CARMIL3: variants seen among roughly 807,000 people sequenced by gnomAD.
The protein encoded by CARMIL3 is capping protein, Arp2/3 and myosin-I linker protein 3.
A neutral mutation model predicts 180.8 loss-of-function variants in CARMIL3; 88 were observed. The observed-to-expected ratio is 0.49, with a 90% CI of 0.41 to 0.58. The LOEUF is 0.58. Among genes scored for constraint, CARMIL3 ranks in the 20% least tolerant of loss-of-function variants. The pLI is 0.00. For synonymous variants in CARMIL3, 696 were observed against 714.5 expected (o/e 0.97, Z 0.41); for missense variants, 1,548 against 1,787.0 (o/e 0.87, Z 2.41).
Position 24,065,623 on chromosome 14 carries a change from G to T in CARMIL3, c.3398G>T (p.Gly1133Val). ...AATAAATAAGAGACCTTGTTCTAGG[G>T]CACTGAGGGGTCAGAGCCAGGGGAG... ...GRGPSFRRKM[G>V]TEGSEPGEGG... Residue 1133 changes from glycine to valine, a missense_variant and splice_region_variant, in exon 34 of 40, where the codon GGC becomes GTC. Gly to Val is a moderately radical substitution (Grantham distance 109, BLOSUM62 -3). Around this residue, in one of 4 missense-constraint regions of CARMIL3, gnomAD observed 668 missense variants for 687.8 expected, o/e 0.97. Coordinates refer to ENST00000342740, the MANE Select transcript of CARMIL3 (RefSeq NM_138360.4). The T allele has an allele frequency of 6.2e-7, 1 of 1,610,608 alleles. No homozygotes were observed.
chr14:24,066,442 A>T lies in CARMIL3; in HGVS notation c.3570A>T (p.Lys1190Asn). 1 of 1,614,220 alleles carries T rather than the reference A, an allele frequency of 6.2e-7. No homozygotes were observed. The highest frequency in any genetic ancestry group is 8.5e-7 in the Non-Finnish European group (1 of 1,180,038). ...AGGGCAGCACCCAGGCCTGGCAGAA[A>T]CGGCGCTCTTCAGACGACGCAGGTA... ...DQEGSTQAWQ[K>N]RRSSDDAGPG... The change falls in exon 35 of 40, where the codon AAA becomes AAT. Residue 1190 changes from lysine to asparagine, a missense_variant. By Grantham distance (94) the Lys-to-Asn change is moderately conservative. Transcript: ENST00000342740.
intron 34 of CARMIL3, 66 bp downstream of exon 34, chr14:24,065,816 C>T (rs1320680901): frequency 6.3e-7 from 1 of 1,576,112 alleles, no homozygotes; most frequent in Non-Finnish European, 8.6e-7. Context: ...CTCTCCTTCC[C>T]ACTCCCTCAT....
chr14:24,066,564 C>T lies in CARMIL3; in HGVS notation c.3593-3C>T, dbSNP rs1327992465. 1.2e-6 allele frequency: 2 copies of T among 1,614,028 alleles called. No homozygotes were observed. The highest frequency in any genetic ancestry group is 4.5e-5 in the East Asian group (2 of 44,894). ...TCTTTCTCATCCCCTCTCTCTACTC[C>T]AGGGCCTGGATCCTGGAAGCCCCCA... is the stretch of plus-strand genomic sequence containing the variant. On this transcript the variant is annotated splice_region_variant and splice_polypyrimidine_tract_variant and intron_variant, in intron 35 of 39. Transcript: ENST00000342740.
chr14:24,066,277 T>G, intron 34 of CARMIL3, 121 bp from the exon 35 acceptor site: 1 of 1,208,136 alleles, frequency 8.3e-7, no homozygotes, highest in Non-Finnish European at 1.2e-6. Flanking sequence ...GGAAACAGTT[T>G]TAAGTGTCTA....
intron 6 of CARMIL3, 37 bp from the exon 7 acceptor site, chr14:24,055,029 T>C: frequency 6.2e-7 from 1 of 1,607,626 alleles, no homozygotes; most frequent in Non-Finnish European, 8.5e-7. Flanking sequence ...CCCCATCTCC[T>C]TACCCTCATG....
Position 24,054,206 on chromosome 14 carries a change from TC to T in CARMIL3, c.187-34del. 6.2e-7 allele frequency: 1 copy of T among 1,614,074 alleles called. No homozygotes were observed. Among genetic ancestry groups the T allele is most frequent in the Non-Finnish European group, 8.5e-7 (1 of 1,179,948 alleles). On this transcript the variant is annotated intron_variant, in intron 3 of 39. Coordinates refer to ENST00000342740, the MANE Select transcript of CARMIL3 (RefSeq NM_138360.4). This position sits in a 1 kb window ranked among gnomAD's most constrained non-coding sequence, Gnocchi z 5.1. Reference sequence around the variant, plus strand: ...TACCTCCCAAGCCTGGCAACCCAGGTCCTTACCAGGAGCTGAGCATCTCCAT... The same window carrying T: ...TACCTCCCAAGCCTGGCAACCCAGGTCTTACCAGGAGCTGAGCATCTCCAT...
chr14:24,059,236 G>C lies in CARMIL3; in HGVS notation c.1627-34G>C. 6.2e-7 allele frequency: 1 copy of C among 1,613,770 alleles called. No homozygotes were observed. Among genetic ancestry groups the C allele is most frequent in the Non-Finnish European group, 8.5e-7 (1 of 1,179,944 alleles). On this transcript the variant is annotated intron_variant, in intron 20 of 39. Transcript: ENST00000342740. The surrounding 1 kb of genome is among the most constrained non-coding windows in gnomAD (Gnocchi z 6.3). ...GGGACCTGCAGTCGGAGGAGGCTGT[G>C]GGGACTGGGTCCAACCGCCCCTTGC...
Position 24,054,527 on chromosome 14 carries a change from G to T in CARMIL3, c.362+16G>T. On this transcript the variant is annotated intron_variant, in intron 5 of 39. Coordinates refer to ENST00000342740, the MANE Select transcript of CARMIL3 (RefSeq NM_138360.4). This position sits in a 1 kb window ranked among gnomAD's most constrained non-coding sequence, Gnocchi z 5.1. ...CTGGCCCTGGGTGAGTGGCAAATAA[G>T]GGGTCTCTTAAGGCATTAGATGAGA... is the stretch of plus-strand genomic sequence containing the variant. 1 of 1,442,010 alleles carries T rather than the reference G, an allele frequency of 6.9e-7. No homozygotes were observed. The highest frequency in any genetic ancestry group is 3.7e-5 in the African/African-American group (1 of 26,700). The allele number at this position is 1,442,010 out of a possible 1,614,324, so 89.3% of individuals were successfully genotyped here. A position where few individuals can be genotyped will look rare whatever the true frequency, so the allele number is the denominator to read the frequency against.
chr14:24,057,161 C>T lies in CARMIL3; in HGVS notation c.1063-6C>T. On this transcript the variant is annotated splice_polypyrimidine_tract_variant and splice_region_variant and intron_variant, in intron 13 of 39. Coordinates refer to ENST00000342740, the MANE Select transcript of CARMIL3 (RefSeq NM_138360.4). The stretch of plus-strand genomic sequence containing the variant: ...CCCCTGCAACCCCTCTTCCTTCCTA[C>T]TCCAGGCCCTCTACAGTTTCCTGGC... The T allele has an allele frequency of 6.2e-7, 1 of 1,613,764 alleles. No homozygotes were observed. Among genetic ancestry groups the T allele is most frequent in the Non-Finnish European group, 8.5e-7 (1 of 1,179,822 alleles).
chr14:24,059,252 C>T lies in CARMIL3; in HGVS notation c.1627-18C>T, dbSNP rs774261819. 3.1e-5 allele frequency: 50 copies of T among 1,613,688 alleles called. No individual in the cohort carries two copies. Among genetic ancestry groups the T allele is most frequent in the South Asian group, 1.6e-4 (15 of 91,068 alleles). On this transcript the variant is annotated intron_variant, in intron 20 of 39. Coordinates refer to ENST00000342740, the MANE Select transcript of CARMIL3 (RefSeq NM_138360.4). The surrounding 1 kb of genome is among the most constrained non-coding windows in gnomAD (Gnocchi z 6.3). ...GGAGGCTGTGGGGACTGGGTCCAACCGCCCCTTGCCCACACAGTCCCTGCA... is the reference window on the plus strand; with the variant it reads ...GGAGGCTGTGGGGACTGGGTCCAACTGCCCCTTGCCCACACAGTCCCTGCA...
chr14:24,060,856 T>C, intron 25 of CARMIL3, 71 bp from the exon 26 acceptor site: 1 of 1,543,236 alleles, frequency 6.5e-7, no homozygotes, highest in Admixed American at 1.9e-5. Context: ...TCTGCCTTCC[T>C]AGCCCAGGGA....
At position 24,061,754 on chromosome 14, in the gene CARMIL3, A is replaced by G. The variant is rs1594551817; in HGVS notation, c.2480+82A>G. The G allele has an allele frequency of 1.5e-6, 2 of 1,348,710 alleles. No homozygotes were observed. The highest frequency in any genetic ancestry group is 4.7e-5 in the East Asian group (2 of 42,578). 83.5% of individuals were successfully genotyped at this position (1,348,710 alleles called of 1,614,324 possible). A position where few individuals can be genotyped will look rare whatever the true frequency, so the allele number is the denominator to read the frequency against. On this transcript the variant is annotated intron_variant, in intron 27 of 39. Coordinates refer to ENST00000342740, the MANE Select transcript of CARMIL3 (RefSeq NM_138360.4). The surrounding 1 kb of genome is among the most constrained non-coding windows in gnomAD (Gnocchi z 4.1). The stretch of plus-strand genomic sequence containing the variant: ...GACTTAGGACTGGAGAGCTATCAGC[A>G]ATGAATAATGAATGGCACAATCTCC...
Position 24,069,511 on chromosome 14 carries a change from G to A in CARMIL3, c.*107G>A. 1 of 1,453,538 alleles carries A rather than the reference G, an allele frequency of 6.9e-7. No individual in the cohort carries two copies. The highest frequency in any genetic ancestry group is 9.5e-7 in the Non-Finnish European group (1 of 1,055,662). The allele number at this position is 1,453,538 out of a possible 1,614,324, so 90.0% of individuals were successfully genotyped here. A position where few individuals can be genotyped will look rare whatever the true frequency, so the allele number is the denominator to read the frequency against. On this transcript the variant is annotated 3_prime_UTR_variant, in exon 40 of 40. Transcript: ENST00000342740. ...CCCCTGCCAGCCCCTGTCCTACAGG[G>A]GCAAGACGGCAGGACCAGGCATGGG...
chr14:24,063,897 C>T (rs1028876760), intron 31 of CARMIL3, among the ~76,000 whole-genome samples: 4 of 88,686 alleles, frequency 4.5e-5, no homozygotes, highest in Non-Finnish European at 7.7e-5. Context: ...AGATCGAGAT[C>T]ATCCTGGCCA....
rs909664080 is a variant in CARMIL3 at position 24,059,048 on chromosome 14, A to T, written c.1571+62A>T. On this transcript the variant is annotated intron_variant, in intron 19 of 39. Coordinates refer to ENST00000342740, the MANE Select transcript of CARMIL3 (RefSeq NM_138360.4). The surrounding 1 kb of genome is among the most constrained non-coding windows in gnomAD (Gnocchi z 6.3). ...CATCATTCACCCATCCTCTTGGCTC[A>T]CCGTATTACCTCTGGCCACCTCTCT... 9.8e-5 allele frequency: 156 copies of T among 1,599,624 alleles called. 1 individual carries two copies. Among genetic ancestry groups the T allele is most frequent in the Non-Finnish European group, 1.2e-4 (144 of 1,172,492 alleles).
intron 30 of CARMIL3, 36 bp from the exon 31 acceptor site, chr14:24,063,289 C>T (rs762810375): frequency 1.3e-6 from 2 of 1,590,730 alleles, no homozygotes; most frequent in East Asian, 2.3e-5. Flanking sequence ...TCTCCCCATT[C>T]CTCTGCTAGT....
intron 35 of CARMIL3, 35 bp downstream of exon 35, chr14:24,066,499 C>T (rs1046820872): frequency 1.1e-5 from 18 of 1,613,630 alleles, no homozygotes; most frequent in Non-Finnish European, 1.4e-5. Context: ...CTTTTGGACC[C>T]CTCTCTCAGG....
chr14:24,061,440 G>T lies in CARMIL3; in HGVS notation c.2305-57G>T, dbSNP rs572126667. 903 of 1,548,620 alleles carry T rather than the reference G, an allele frequency of 5.8e-4. 1 individual carries two copies. The highest frequency in any genetic ancestry group is 7.6e-4 in the Non-Finnish European group (870 of 1,138,274). ...AATAGATAAAGTCTCTTCTGCTGTGGTGCCAGCCCTGATCCTGTCCCCCTT... is the reference window on the plus strand; with the variant it reads ...AATAGATAAAGTCTCTTCTGCTGTGTTGCCAGCCCTGATCCTGTCCCCCTT... On this transcript the variant is annotated intron_variant, in intron 26 of 39. Coordinates refer to ENST00000342740, the MANE Select transcript of CARMIL3 (RefSeq NM_138360.4). The surrounding 1 kb of genome is among the most constrained non-coding windows in gnomAD (Gnocchi z 4.1).
chr14:24,054,895 C>A lies in CARMIL3; in HGVS notation c.460+87C>A, dbSNP rs145750255. On this transcript the variant is annotated intron_variant, in intron 6 of 39. Coordinates refer to ENST00000342740, the MANE Select transcript of CARMIL3 (RefSeq NM_138360.4). The surrounding 1 kb of genome is among the most constrained non-coding windows in gnomAD (Gnocchi z 5.1). Reference sequence around the variant, plus strand: ...CTTTGTGCACAGGGTGTTGCCTGGGCGGGCGGGCTTTGCCTGCCTGAAGGA... The same window carrying A: ...CTTTGTGCACAGGGTGTTGCCTGGGAGGGCGGGCTTTGCCTGCCTGAAGGA... 2.7e-6 allele frequency: 4 copies of A among 1,463,352 alleles called. No individual in the cohort carries two copies. The highest frequency in any genetic ancestry group is 3.8e-6 in the Non-Finnish European group (4 of 1,060,350). 90.6% of individuals were successfully genotyped at this position (1,463,352 alleles called of 1,614,324 possible).
Sources: gnomAD v4.1 joint callset for allele counts (sites outside exome capture counted in the v4.1 genomes callset) on GRCh38, gnomAD v4.1.1 for gene constraint, gnomAD v4.1.1 regional missense constraint, Gnocchi (gnomAD v3.1) non-coding constraint, MANE v1.5 for transcripts, NCBI Gene and HGNC (gene_info 2026-07-23, HGNC 2026-07-21) for gene names.